Variants in CCDC91 observed in about 807,000 individuals in gnomAD.
The protein encoded by CCDC91 is coiled-coil domain containing 91.
CCDC91 carries 48 observed loss-of-function variants against 63.2 expected under a neutral mutation model. The observed-to-expected ratio is 0.76, with a 90% CI of 0.60 to 0.97. The LOEUF is 0.97. Among genes scored for constraint, CCDC91 ranks in the 50% least tolerant of loss-of-function variants. The pLI is 0.00. For missense variants in CCDC91, 500 were observed against 494.6 expected, an observed-to-expected ratio of 1.01 and a Z score of -0.10; for synonymous variants, 167 against 165.8, an observed-to-expected ratio of 1.01 and a Z score of -0.06.
chr12:28,365,051 C>T (rs1266091405), intron 7 of CCDC91, among the ~76,000 whole-genome samples: 1 of 152,040 alleles, frequency 6.6e-6, no homozygotes, highest in South Asian at 2.1e-4. Context: ...GTATTTATAT[C>T]CTTTGACTAT....
At chr12:28,297,102 C>T (rs1354709773) in intron 3 of CCDC91, among the ~76,000 whole-genome samples, 2 of 151,816 alleles carry the variant, frequency 1.3e-5, no homozygotes, top group African/African-American at 4.8e-5. Flanking sequence ...TTCTGAGTTA[C>T]AAGATATAAA....
At chr12:28,307,883 A>C (rs983798470) in intron 6 of CCDC91, 134 bp downstream of exon 6, 65 of 589,338 alleles carry the variant, frequency 1.1e-4, no homozygotes, top group Non-Finnish European at 1.8e-4. Context: ...ACTGACCAAC[A>C]TGGGCTAAAT....
Position 28,335,103 on chromosome 12 carries a change from T to C in CCDC91, c.577-27335T>C, listed in dbSNP as rs1285080463. The stretch of plus-strand genomic sequence containing the variant: ...TATAAAATGTAAAAAATATAAAATA[T>C]AAATATACATTTATATTTTATACAT... On this transcript the variant is annotated intron_variant, in intron 6 of 12. Transcript: ENST00000536442. Among the ~76,000 whole-genome samples the C allele has an allele frequency of 2.1e-5, 3 of 143,740 alleles. 1 individual carries two copies. Among genetic ancestry groups the C allele is most frequent in the African/African-American group, 7.6e-5 (3 of 39,558 alleles). The allele number at this position is 143,740 out of a possible 152,430, so 94.3% of individuals were successfully genotyped here.
intron 12 of CCDC91, among the ~76,000 whole-genome samples, chr12:28,527,424 G>A (rs2141557057): frequency 6.6e-6 from 1 of 152,340 alleles, no homozygotes; most frequent in Middle Eastern, 3.4e-3. Flanking sequence ...TAGTACTGGA[G>A]GTTGTCTGCA....
At chr12:28,242,262 AC>A (rs1945396544) in intron 1 of CCDC91, among the ~76,000 whole-genome samples, 1 of 152,022 alleles carries the variant, frequency 6.6e-6, no homozygotes, top group Admixed American at 6.6e-5. Context: ...TTGACATGTG[AC>A]CCAGATGTCC....
At chr12:28,212,073 A>G (rs1162743929) in intron 1 of CCDC91, among the ~76,000 whole-genome samples, 1 of 152,212 alleles carries the variant, frequency 6.6e-6, no homozygotes, top group Non-Finnish European at 1.5e-5. Context: ...CTGAAATCCA[A>G]GAGAGAACTT....
intron 12 of CCDC91, among the ~76,000 whole-genome samples, chr12:28,491,865 G>GTGTGTC (rs1952024605): frequency 7.4e-5 from 1 of 13,538 alleles, no homozygotes; most frequent in African/African-American, 3.4e-4. Flanking sequence ...AAAATTTTGT[G>GTGTGTC]TGTGTGTGTG....
Position 28,549,072 on chromosome 12 carries a change from G to A in CCDC91, c.1225G>A (p.Val409Ile), listed in dbSNP as rs1394479040. 3 of 1,608,676 alleles carry A rather than the reference G, an allele frequency of 1.9e-6. No individual in the cohort carries two copies. In the East Asian group the frequency reaches 6.7e-5, roughly 36 times the overall value. Residue 409 changes from valine to isoleucine, a missense_variant, in exon 13 of 13, where the codon GTC becomes ATC. By Grantham distance (29) the Val-to-Ile change is conservative. Transcript: ENST00000536442. ...TAAAAAAATTAAACAGCTCGATCAA[G>A]TCATCCGCCAAAGAAGCCTGTCCAG... ...YIKEQKRLDQVIRQRSLSSLE... is the reference protein window; with the variant it reads ...YIKEQKRLDQIIRQRSLSSLE...
chr12:28,365,891 C>T (rs1944239670), intron 7 of CCDC91, among the ~76,000 whole-genome samples: 1 of 152,142 alleles, frequency 6.6e-6, no homozygotes, highest in South Asian at 2.1e-4. Context: ...GTCCTGGCTC[C>T]TGGGGATCTT....
At chr12:28,463,742 A>G (rs1950418613) in intron 11 of CCDC91, among the ~76,000 whole-genome samples, 1 of 152,192 alleles carries the variant, frequency 6.6e-6, no homozygotes, top group South Asian at 2.1e-4. Flanking sequence ...AATAATAAAA[A>G]TTGACCATTT....
At chr12:28,304,607 T>C in intron 3 of CCDC91, 3 of 1,178,820 alleles carry the variant, frequency 2.5e-6, no homozygotes, top group Non-Finnish European at 3.3e-6. Context: ...CTAATGGCCT[T>C]ATAAATGTCT....
chr12:28,280,649 A>T (rs1197691937), intron 3 of CCDC91, among the ~76,000 whole-genome samples: 2 of 152,044 alleles, frequency 1.3e-5, no homozygotes, highest in Non-Finnish European at 2.9e-5. Context: ...GATAATTGCT[A>T]ATTAATGATT....
At chr12:28,360,053 CA>C (rs1157947206) in intron 6 of CCDC91, among the ~76,000 whole-genome samples, 6 of 152,206 alleles carry the variant, frequency 3.9e-5, no homozygotes, top group Admixed American at 3.9e-4. Context: ...GGAGCTCCCA[CA>C]AAAATGGGAA....
intron 3 of CCDC91, chr12:28,304,684 A>G (rs1237394367): frequency 7.9e-7 from 1 of 1,273,338 alleles, no homozygotes; most frequent in Middle Eastern, 2.2e-4. Context: ...AACTTCACTG[A>G]AGTTGCTGAT....
chr12:28,496,556 C>T (rs1952295186), intron 12 of CCDC91, among the ~76,000 whole-genome samples: 1 of 151,570 alleles, frequency 6.6e-6, no homozygotes, highest in Non-Finnish European at 1.5e-5. Context: ...TTAGTAAAGT[C>T]TCCCAAGTTG....
intron 1 of CCDC91, among the ~76,000 whole-genome samples, chr12:28,202,482 G>A (rs73082001): frequency 0.013 from 1,768 of 140,434 alleles, 8 homozygotes; most frequent in Middle Eastern, 0.022. Flanking sequence ...TGTAAACTTT[G>A]TATTCTTTTA....
intron 12 of CCDC91, among the ~76,000 whole-genome samples, chr12:28,513,583 A>T (rs1336215719): frequency 2.0e-5 from 3 of 151,918 alleles, no homozygotes; most frequent in East Asian, 1.9e-4. Context: ...TGGTCCCAAG[A>T]GGGATACTCA....
At chr12:28,492,025 C>G (rs922635040) in intron 12 of CCDC91, among the ~76,000 whole-genome samples, 1 of 151,334 alleles carries the variant, frequency 6.6e-6, no homozygotes, top group African/African-American at 2.4e-5. Flanking sequence ...ATTAAGGGAC[C>G]ACAATTGCCT....
At chr12:28,424,308 T>A (rs1460162582) in intron 8 of CCDC91, among the ~76,000 whole-genome samples, 2 of 152,134 alleles carry the variant, frequency 1.3e-5, no homozygotes, top group African/African-American at 4.8e-5. Context: ...ATTGTATGAA[T>A]CCACCATGTT....
Sources: gnomAD v4.1 joint callset for allele counts (sites outside exome capture counted in the v4.1 genomes callset) on GRCh38, gnomAD v4.1.1 for gene constraint, MANE v1.5 for transcripts, NCBI Gene and HGNC (gene_info 2026-07-23, HGNC 2026-07-21) for gene names.